The following CTDSPL2 variants were observed in gnomAD, a reference collection of about 807,000 sequenced individuals.
CTDSPL2 encodes CTD small phosphatase-like protein 2.
CTDSPL2 carries 5 observed loss-of-function variants against 60.0 expected under a neutral mutation model. That is an observed-to-expected ratio of 0.08 (90% CI 0.04 to 0.18). CTDSPL2 has a LOEUF of 0.18. Ranked by LOEUF, CTDSPL2 falls within the 10% of genes least tolerant of loss-of-function variation. CTDSPL2 has a pLI of 1.00. For synonymous variants in CTDSPL2, 186 were observed against 189.3 expected, an observed-to-expected ratio of 0.98 and a Z score of 0.14; for missense variants, 370 against 548.8, an observed-to-expected ratio of 0.67 and a Z score of 3.26.
At chr15:44,485,321 G>A (rs957898903) in intron 3 of CTDSPL2, among the ~76,000 whole-genome samples, 15 of 152,220 alleles carry the variant, frequency 9.9e-5, no homozygotes, top group African/African-American at 3.6e-4. Flanking sequence ...TAGCATTAAG[G>A]AAAAGCAGAG....
At chr15:44,442,798 G>C (rs944600013) in intron 1 of CTDSPL2, among the ~76,000 whole-genome samples, 3 of 151,978 alleles carry the variant, frequency 2.0e-5, no homozygotes, top group African/African-American at 7.2e-5. Context: ...CAATATAGTG[G>C]TACCCCAGCT....
intron 8 of CTDSPL2, among the ~76,000 whole-genome samples, chr15:44,508,708 G>A (rs2081514608): frequency 6.6e-6 from 1 of 152,142 alleles, no homozygotes; most frequent in Non-Finnish European, 1.5e-5. Flanking sequence ...GGATCACGAG[G>A]TCAGGAGTTC....
intron 2 of CTDSPL2, among the ~76,000 whole-genome samples, chr15:44,461,811 A>G (rs2080577827): frequency 6.6e-6 from 1 of 152,230 alleles, no homozygotes; most frequent in African/African-American, 2.4e-5. Flanking sequence ...GTAGAGCATC[A>G]TAAAGGTCTT....
chr15:44,458,565 G>A (rs1186598969), intron 1 of CTDSPL2, among the ~76,000 whole-genome samples: 1 of 152,176 alleles, frequency 6.6e-6, no homozygotes, highest in Non-Finnish European at 1.5e-5. Context: ...TTACAGAAAA[G>A]CAAAACCTTT....
intron 2 of CTDSPL2, among the ~76,000 whole-genome samples, chr15:44,465,710 C>T (rs1247804919): frequency 1.4e-5 from 2 of 145,424 alleles, no homozygotes; most frequent in African/African-American, 2.6e-5. Context: ...TTTCCTCCTC[C>T]TCTTTTTTTT....
At chr15:44,487,112 A>G (rs2081135197) in intron 4 of CTDSPL2, among the ~76,000 whole-genome samples, 1 of 152,168 alleles carries the variant, frequency 6.6e-6, no homozygotes, top group Non-Finnish European at 1.5e-5. Context: ...TTTTATTAGC[A>G]TATTTTGTCA....
intron 2 of CTDSPL2, among the ~76,000 whole-genome samples, chr15:44,473,099 G>T (rs1048593470): frequency 6.6e-6 from 1 of 151,454 alleles, no homozygotes; most frequent in African/African-American, 2.4e-5. Flanking sequence ...ACCCAGCCAT[G>T]AGTTCTTGAT....
intron 2 of CTDSPL2, among the ~76,000 whole-genome samples, chr15:44,481,093 T>C (rs1019944367): frequency 3.9e-5 from 6 of 152,114 alleles, no homozygotes; most frequent in Admixed American, 1.3e-4. Flanking sequence ...CCCAGCACTT[T>C]GGGAGGCTGA....
intron 8 of CTDSPL2, among the ~76,000 whole-genome samples, chr15:44,506,025 CTTTTTTTTT>C (rs753896129): frequency 8.5e-6 from 1 of 117,580 alleles, no homozygotes; most frequent in African/African-American, 3.1e-5. Context: ...TCATTGGTAA[CTTTTTTTTT>C]TTTTTTTTTT....
At chr15:44,472,052 A>G (rs2080821977) in intron 2 of CTDSPL2, among the ~76,000 whole-genome samples, 1 of 151,960 alleles carries the variant, frequency 6.6e-6, no homozygotes, top group Non-Finnish European at 1.5e-5. Context: ...ATTGCCAAGT[A>G]ATATTCTGTT....
rs556914466 is a variant in CTDSPL2, at chr15:44,495,543, C to T, written c.692-837C>T. Among the ~76,000 whole-genome samples the T allele has an allele frequency of 5.5e-4, 82 of 148,986 alleles. No homozygotes were observed. In the Middle Eastern group the frequency reaches 0.01, roughly 19 times the overall value. On this transcript the variant is annotated intron_variant, in intron 5 of 12. Coordinates refer to ENST00000260327, the MANE Select transcript of CTDSPL2 (RefSeq NM_016396.3). ...CAGCCTGGGTGACAGAGCGAGACTC[C>T]GCCTCAAAAAAAAAAAAAAAGAGAT...
At chr15:44,443,848 ATTCC>A (rs2080144326) in intron 1 of CTDSPL2, among the ~76,000 whole-genome samples, 1 of 152,144 alleles carries the variant, frequency 6.6e-6, no homozygotes, top group African/African-American at 2.4e-5. Context: ...ATTTTCTGCC[ATTCC>A]ATGGTTTGTC....
intron 5 of CTDSPL2, among the ~76,000 whole-genome samples, chr15:44,492,202 G>A (rs1362190672): frequency 6.6e-6 from 1 of 152,092 alleles, no homozygotes; most frequent in African/African-American, 2.4e-5. Context: ...CGGGGATGGT[G>A]GCATGTGCCT....
intron 1 of CTDSPL2, chr15:44,428,235 A>G (rs962453417): frequency 2.0e-5 from 3 of 152,168 alleles, no homozygotes; most frequent in Non-Finnish European, 4.4e-5. Flanking sequence ...CAGAATCTGG[A>G]AGAAGGGATT....
chr15:44,506,438 G>T (rs2081467482), intron 8 of CTDSPL2, among the ~76,000 whole-genome samples: 1 of 127,950 alleles, frequency 7.8e-6, no homozygotes, highest in African/African-American at 3.1e-5. Context: ...TTTTTTGGAG[G>T]CATGGTGTCG....
chr15:44,485,784 T>C (rs1359767114), intron 3 of CTDSPL2, among the ~76,000 whole-genome samples: 1 of 152,084 alleles, frequency 6.6e-6, no homozygotes, highest in Non-Finnish European at 1.5e-5. Flanking sequence ...AATATATCTT[T>C]ATTGTTAGAA....
intron 2 of CTDSPL2, among the ~76,000 whole-genome samples, chr15:44,461,573 CTTTTTTTTTT>C (rs35540014): frequency 1.6e-5 from 2 of 125,668 alleles, no homozygotes; most frequent in Non-Finnish European, 3.3e-5. Context: ...GTTTCTCTCC[CTTTTTTTTTT>C]TTTTTTTTTT....
intron 2 of CTDSPL2, among the ~76,000 whole-genome samples, chr15:44,479,678 G>A (rs1226451743): frequency 6.6e-6 from 1 of 151,998 alleles, no homozygotes; most frequent in Non-Finnish European, 1.5e-5. Context: ...CAACGTGCTA[G>A]AATTACAGGC....
chr15:44,473,751 CT>C (rs1231301532), intron 2 of CTDSPL2, among the ~76,000 whole-genome samples: 2 of 152,178 alleles, frequency 1.3e-5, no homozygotes, highest in Non-Finnish European at 1.5e-5. Flanking sequence ...CACTTTTTAA[CT>C]TTTGAGAAAC....
Sources: allele counts gnomAD v4.1 joint callset (sites outside exome capture counted in the v4.1 genomes callset), GRCh38; gene constraint gnomAD v4.1.1; transcripts MANE v1.5; gene names NCBI Gene and HGNC (gene_info 2026-07-23, HGNC 2026-07-21).